The following PLXNA4 variants were observed in gnomAD, a reference collection of about 807,000 sequenced individuals.
The protein encoded by PLXNA4 is plexin A4, also known as plexin-A4.
A neutral mutation model predicts 191.8 loss-of-function variants in PLXNA4; 44 were observed. That is an observed-to-expected ratio of 0.23 (90% CI 0.18 to 0.29). PLXNA4 has a LOEUF of 0.29. PLXNA4 is among the 10% of genes least tolerant of loss of function. The pLI is 1.00. For synonymous variants in PLXNA4, 1,082 were observed against 1,009.5 expected (o/e 1.07, Z -1.36); for missense variants, 1,800 against 2,488.8 (o/e 0.72, Z 5.89).
At chr7:132,340,392 A>G (rs991740793) in intron 3 of PLXNA4, among the ~76,000 whole-genome samples, 1 of 152,028 alleles carries the variant, frequency 6.6e-6, no homozygotes, top group African/African-American at 2.4e-5. Context: ...TGGTCCACCA[A>G]GGAGGGGCAA....
intron 3 of PLXNA4, among the ~76,000 whole-genome samples, chr7:132,430,419 A>T (rs1795215795): frequency 6.6e-6 from 1 of 152,118 alleles, no homozygotes; most frequent in Non-Finnish European, 1.5e-5. Flanking sequence ...CACAAGGCAG[A>T]TCAAATCCTA....
intron 3 of PLXNA4, among the ~76,000 whole-genome samples, chr7:132,469,154 A>G (rs1208240416): frequency 6.6e-6 from 1 of 150,912 alleles, no homozygotes; most frequent in Non-Finnish European, 1.5e-5. Flanking sequence ...GAAAGAAAGA[A>G]AAAAAAAAGA....
chr7:132,288,628 G>C (rs905624900), intron 4 of PLXNA4, among the ~76,000 whole-genome samples: 1 of 152,176 alleles, frequency 6.6e-6, no homozygotes, highest in East Asian at 1.9e-4. Flanking sequence ...AAACATCCAC[G>C]TGGGCTTGTC....
chr7:132,439,995 AGTGTGTGTGTGT>A (rs3067108), intron 3 of PLXNA4, among the ~76,000 whole-genome samples: 1 of 150,090 alleles, frequency 6.7e-6, no homozygotes, highest in Non-Finnish European at 1.5e-5. Flanking sequence ...TGCATGTGTG[AGTGTGTGTGTGT>A]GTGTATGTGT....
chr7:132,138,333 T>TA (rs1795172646), intron 30 of PLXNA4, among the ~76,000 whole-genome samples: 1 of 152,166 alleles, frequency 6.6e-6, no homozygotes, highest in African/African-American at 2.4e-5. Flanking sequence ...CAGGTCACTC[T>TA]ACCATCATCC....
chr7:132,199,777 G>A (rs1323461491), intron 12 of PLXNA4, among the ~76,000 whole-genome samples: 1 of 152,216 alleles, frequency 6.6e-6, no homozygotes, highest in Non-Finnish European at 1.5e-5. Flanking sequence ...TCCCCACCAA[G>A]TGGCAGCTTC....
chr7:132,550,082 T>A (rs542530287), intron 1 of PLXNA4, among the ~76,000 whole-genome samples: 20 of 152,302 alleles, frequency 1.3e-4, no homozygotes, highest in Admixed American at 3.3e-4. Flanking sequence ...GTGGGTTCTA[T>A]AAGGCTAGGG....
intron 3 of PLXNA4, among the ~76,000 whole-genome samples, chr7:132,377,290 A>G (rs1446685874): frequency 6.6e-6 from 1 of 152,180 alleles, no homozygotes; most frequent in Non-Finnish European, 1.5e-5. Flanking sequence ...AATCCTAAAG[A>G]TAATTTTTTC....
At chr7:132,512,961 A>C (rs561844390) in intron 1 of PLXNA4, among the ~76,000 whole-genome samples, 1 of 152,214 alleles carries the variant, frequency 6.6e-6, no homozygotes, top group African/African-American at 2.4e-5. Flanking sequence ...AATAACCTTC[A>C]CGATTGCCCC....
chr7:132,642,273 G>A (rs1803759271), intron 2 of PLXNA4, among the ~76,000 whole-genome samples: 1 of 151,914 alleles, frequency 6.6e-6, no homozygotes, highest in Non-Finnish European at 1.5e-5. Context: ...ATTAAATATA[G>A]TAAATTATGA....
intron 3 of PLXNA4, among the ~76,000 whole-genome samples, chr7:132,348,690 G>A (rs970553544): frequency 1.3e-5 from 2 of 152,154 alleles, no homozygotes; most frequent in Non-Finnish European, 2.9e-5. Context: ...AGCATAGCCC[G>A]AAATTAGGGT....
chr7:132,567,482 C>G (rs1489201133), intron 1 of PLXNA4, among the ~76,000 whole-genome samples: 1 of 152,148 alleles, frequency 6.6e-6, no homozygotes, highest in African/African-American at 2.4e-5. Context: ...TCATCTGAAT[C>G]CTCTGGAATA....
chr7:132,148,540 C>T lies in PLXNA4; in HGVS notation c.4764+3G>A, dbSNP rs1252339341. 3 of 1,613,984 alleles carry T rather than the reference C, an allele frequency of 1.9e-6. No homozygotes were observed. ...GCTCCTCCCCTTTCCACATTCCCCT[C>T]ACCTGGTAGTGGGCCAGTGTGTTCA... On this transcript the variant is annotated splice_donor_region_variant and intron_variant, in intron 26 of 31. Coordinates refer to ENST00000321063, the MANE Select transcript of PLXNA4 (RefSeq NM_020911.2).
chr7:132,403,068 C>A (rs1310603952), intron 3 of PLXNA4, among the ~76,000 whole-genome samples: 1 of 152,218 alleles, frequency 6.6e-6, no homozygotes, highest in East Asian at 1.9e-4. Context: ...TGGTTCAGAG[C>A]CAGAGAGGGC....
intron 1 of PLXNA4, among the ~76,000 whole-genome samples, chr7:132,565,308 G>C (rs1467471663): frequency 6.6e-6 from 1 of 152,152 alleles, no homozygotes; most frequent in East Asian, 1.9e-4. Context: ...AGGATTAGAA[G>C]CTCGGTCTCT....
chr7:132,421,633 T>A (rs1222468773), intron 3 of PLXNA4, among the ~76,000 whole-genome samples: 1 of 152,042 alleles, frequency 6.6e-6, no homozygotes, highest in Non-Finnish European at 1.5e-5. Flanking sequence ...ACCTTCTATA[T>A]AATGACTGTT....
rs575137496 is a variant in PLXNA4, at chr7:132,481,617, T to A, written c.1371+7675A>T. Among the ~76,000 whole-genome samples the A allele has an allele frequency of 4.6e-5, 7 of 152,188 alleles. No homozygotes were observed. The South Asian group carries it at 1.3e-3, about 27-fold the overall frequency. On this transcript the variant is annotated intron_variant, in intron 3 of 31. Transcript: ENST00000321063. ...CTACACGGTGTTCAAAGCTCAGTAGTTCCCTCTGCACCACCTCTTTTCTGC... is the reference window on the plus strand; with the variant it reads ...CTACACGGTGTTCAAAGCTCAGTAGATCCCTCTGCACCACCTCTTTTCTGC...
intron 3 of PLXNA4, among the ~76,000 whole-genome samples, chr7:132,395,375 A>G (rs528804604): frequency 5.3e-5 from 8 of 152,334 alleles, no homozygotes; most frequent in Non-Finnish European, 7.3e-5. Flanking sequence ...CTTTCTTTAG[A>G]GTCTGAGGCC....
intron 1 of PLXNA4, among the ~76,000 whole-genome samples, chr7:132,531,700 G>A (rs1181302430): frequency 2.0e-5 from 3 of 152,188 alleles, no homozygotes; most frequent in Non-Finnish European, 4.4e-5. Context: ...CGAGTGCTGT[G>A]ACAAGCAGCA....
Sources: gnomAD v4.1 joint callset for allele counts (sites outside exome capture counted in the v4.1 genomes callset) on GRCh38, gnomAD v4.1.1 for gene constraint, MANE v1.5 for transcripts, NCBI Gene and HGNC (gene_info 2026-07-23, HGNC 2026-07-21) for gene names.